The following PIGV variants were observed in gnomAD, a reference collection of about 807,000 sequenced individuals.
PIGV encodes the protein phosphatidylinositol glycan anchor biosynthesis class V.
PIGV carries 27 observed loss-of-function variants against 39.2 expected under a neutral mutation model. The observed-to-expected ratio is 0.69, with a 90% confidence interval of 0.51 to 0.95. The LOEUF is 0.95. Ranked by LOEUF, PIGV falls within the 40% of genes least tolerant of loss-of-function variation. The pLI is 0.00. For synonymous variants in PIGV, 232 were observed against 241.7 expected (o/e 0.96, Z 0.37); for missense variants, 523 against 586.4 (o/e 0.89, Z 1.12).
At position 26,797,918 on chromosome 1, in the gene PIGV, G is replaced by A. The variant is rs1346042290; in HGVS notation, c.*74G>A. 1.7e-6 allele frequency: 2 copies of A among 1,210,446 alleles called. No homozygotes were observed. Among genetic ancestry groups the A allele is most frequent in the Non-Finnish European group, 2.5e-6 (2 of 814,784 alleles). 75.0% of individuals were successfully genotyped at this position (1,210,446 alleles called of 1,614,324 possible). A position where few individuals can be genotyped will look rare whatever the true frequency, so the allele number is the denominator to read the frequency against. On this transcript the variant is annotated 3_prime_UTR_variant, in exon 4 of 4. Transcript: ENST00000674202. ...GAAAGTAAAAATACACATTGGAACTGCCTCTGCTGCCCTGGGATCATTACT... is the reference window on the plus strand; with the variant it reads ...GAAAGTAAAAATACACATTGGAACTACCTCTGCTGCCCTGGGATCATTACT...
chr1:26,795,219 G>T lies in PIGV; in HGVS notation c.1185G>T (p.Leu395=), dbSNP rs770515611. Residue 395 remains leucine (L), a synonymous_variant, in exon 3 of 4, where the codon CTG becomes CTT. Coordinates refer to ENST00000674202, the MANE Select transcript of PIGV (RefSeq NM_017837.4). ...CAGTGCTGCTGCTGTTTGGAGGTCT[G>T]TGCATGCATGTTCAGGTGAGGTGGA... ...HAAVLLLFGG[L]CMHVQVLTRF... is the part of the protein sequence containing the mutation. The T allele has an allele frequency of 1.5e-5, 25 of 1,613,686 alleles. No homozygotes were observed. Among genetic ancestry groups the T allele is most frequent in the Non-Finnish European group, 2.1e-5 (25 of 1,180,052 alleles).
At chr1:26,797,004 A>G (rs912190895) in intron 3 of PIGV, among the ~76,000 whole-genome samples, 5 of 152,238 alleles carry the variant, frequency 3.3e-5, no homozygotes, top group South Asian at 2.1e-4. Flanking sequence ...AGCTGTATGG[A>G]TAAGAGACAC....
At chr1:26,797,439 G>A (rs1196466686) in intron 3 of PIGV, 124 bp from the exon 4 acceptor site, 1 of 806,312 alleles carries the variant, frequency 1.2e-6, no homozygotes, top group Admixed American at 1.7e-5. Flanking sequence ...TTCTTTTCCA[G>A]TGTAATACAT....
In PIGV at chr1:26,798,685, C is replaced by A. The variant is rs1431767784; in HGVS notation, c.*841C>A. Among the ~76,000 whole-genome samples the A allele has an allele frequency of 6.6e-6, 1 of 152,162 alleles. No individual in the cohort carries two copies. Among genetic ancestry groups the A allele is most frequent in the Admixed American group, 6.5e-5 (1 of 15,282 alleles). ...TTGCGCCACTGCGCTCCAGCCTGGG[C>A]AACAGAGTGAGGCTCTGTCTCAAAA... On this transcript the variant is annotated 3_prime_UTR_variant, in exon 4 of 4. Transcript: ENST00000674202.
At chr1:26,796,380 G>A (rs1268406658) in intron 3 of PIGV, among the ~76,000 whole-genome samples, 1 of 152,082 alleles carries the variant, frequency 6.6e-6, no homozygotes, top group Non-Finnish European at 1.5e-5. Flanking sequence ...GTGTGAGCCA[G>A]GATGGTCTGG....
In PIGV at chr1:26,800,103, T is replaced by C. The variant is rs2081433825; in HGVS notation, c.*2259T>C. On this transcript the variant is annotated 3_prime_UTR_variant, in exon 4 of 4. Coordinates refer to ENST00000674202, the MANE Select transcript of PIGV (RefSeq NM_017837.4). The stretch of plus-strand genomic sequence containing the variant: ...TTAACCTTCACACTAGATCTCATCA[T>C]GCCCAGAAACCTTGTAACAGGAGCC... 6.6e-6 allele frequency among the ~76,000 whole-genome samples: 1 copy of C among 152,180 alleles called. No homozygotes were observed. The highest frequency in any genetic ancestry group is 1.5e-5 in the Non-Finnish European group (1 of 68,030).
In PIGV at chr1:26,797,943, T is replaced by C; in HGVS notation, c.*99T>C. On this transcript the variant is annotated 3_prime_UTR_variant, in exon 4 of 4. Coordinates refer to ENST00000674202, the MANE Select transcript of PIGV (RefSeq NM_017837.4). ...GCCTCTGCTGCCCTGGGATCATTACTGTGTCCATTATAATCTTTCTCTTTC... is the reference window on the plus strand; with the variant it reads ...GCCTCTGCTGCCCTGGGATCATTACCGTGTCCATTATAATCTTTCTCTTTC... 9.9e-7 allele frequency: 1 copy of C among 1,008,322 alleles called. No homozygotes were observed. The highest frequency in any genetic ancestry group is 1.6e-6 in the Non-Finnish European group (1 of 636,536). The allele number at this position is 1,008,322 out of a possible 1,614,324, so 62.5% of individuals were successfully genotyped here.
At position 26,798,265 on chromosome 1, in the gene PIGV, T is replaced by A. The variant is rs2081412022; in HGVS notation, c.*421T>A. The A allele has an allele frequency of 6.1e-6, 1 of 163,560 alleles. No homozygotes were observed. The highest frequency in any genetic ancestry group is 2.4e-5 in the African/African-American group (1 of 41,668). The allele number at this position is 163,560 out of a possible 1,614,324, so 10.1% of individuals were successfully genotyped here. ...GATGGTATAGGCCTGAACAGTGTAGTGGCAGTAATAAAGTGGGACCATTTT... is the reference window on the plus strand; with the variant it reads ...GATGGTATAGGCCTGAACAGTGTAGAGGCAGTAATAAAGTGGGACCATTTT... On this transcript the variant is annotated 3_prime_UTR_variant, in exon 4 of 4. Transcript: ENST00000674202.
Position 26,794,559 on chromosome 1 carries a change from C to G in PIGV, c.525C>G (p.Leu175=). The G allele has an allele frequency of 1.2e-6, 2 of 1,614,250 alleles. No homozygotes were observed. Among genetic ancestry groups the G allele is most frequent in the Non-Finnish European group, 1.7e-6 (2 of 1,180,048 alleles). ...AAGYSEALFA[L]LTFSAMGQLE... ...GTTACTCAGAAGCTTTGTTTGCCCT[C>G]CTGACATTCAGTGCCATGGGGCAGC... is the stretch of plus-strand genomic sequence containing the variant. The change falls in exon 3 of 4, where the codon CTC becomes CTG. Residue 175 remains leucine, a synonymous_variant. Coordinates refer to ENST00000674202, the MANE Select transcript of PIGV (RefSeq NM_017837.4).
At position 26,794,855 on chromosome 1, in the gene PIGV, A is replaced by G. The variant is rs2081360198; in HGVS notation, c.821A>G (p.Glu274Gly). The change falls in exon 3 of 4, where the codon GAG becomes GGG. Residue 274 changes from glutamate (E) to glycine (G), a missense_variant. Transcript: ENST00000674202. Reference protein sequence around the residue: ...CLPGSARPIPEPLVQLAVDKG... With the variant: ...CLPGSARPIPGPLVQLAVDKG... ...CCAGGCTCAGCCCGCCCCATTCCTGAGCCTTTGGTACAGTTAGCTGTAGAC... is the reference window on the plus strand; with the variant it reads ...CCAGGCTCAGCCCGCCCCATTCCTGGGCCTTTGGTACAGTTAGCTGTAGAC... 4 of 1,614,028 alleles carry G rather than the reference A, an allele frequency of 2.5e-6. No individual in the cohort carries two copies. The highest frequency in any genetic ancestry group is 3.4e-6 in the Non-Finnish European group (4 of 1,179,974).
intron 2 of PIGV, among the ~76,000 whole-genome samples, chr1:26,792,021 T>TTCC (rs2081315538): frequency 6.6e-6 from 1 of 152,188 alleles, no homozygotes; most frequent in Non-Finnish European, 1.5e-5. Flanking sequence ...AACAGTATAT[T>TTCC]TCCTCTAGGC....
chr1:26,790,732 G>T, intron 1 of PIGV, 27 bp from the exon 2 acceptor site: 1 of 1,087,982 alleles, frequency 9.2e-7, no homozygotes. Context: ...CACTCGATGT[G>T]TGACATTTTC....
In PIGV at chr1:26,790,867, T is replaced by A; in HGVS notation, c.52T>A (p.Cys18Ser). 1 of 1,614,086 alleles carries A rather than the reference T, an allele frequency of 6.2e-7. No individual in the cohort carries two copies. Among genetic ancestry groups the A allele is most frequent in the Non-Finnish European group, 8.5e-7 (1 of 1,179,924 alleles). ...RKEVLRFAVS[C>S]RILTLMLQAL... ...GGAGGTGCTGAGGTTTGCAGTCAGC[T>A]GCCGTATCCTGACTCTGATGCTGCA... Residue 18 changes from cysteine (C) to serine (S), a missense_variant, in exon 2 of 4, where the codon TGC becomes AGC. Coordinates refer to ENST00000674202, the MANE Select transcript of PIGV (RefSeq NM_017837.4).
At chr1:26,795,709 C>CAA (rs1005170504) in intron 3 of PIGV, among the ~76,000 whole-genome samples, 18 of 27,818 alleles carry the variant, frequency 6.5e-4, no homozygotes, top group African/African-American at 1.8e-3. Flanking sequence ...GACTCTATCT[C>CAA]AAAAAAAAAA....
At chr1:26,792,500 TG>T (rs2081325211) in intron 2 of PIGV, among the ~76,000 whole-genome samples, 1 of 151,946 alleles carries the variant, frequency 6.6e-6, no homozygotes, top group South Asian at 2.1e-4. Context: ...GCTAATTTTT[TG>T]TATTTTTAGT....
Position 26,795,100 on chromosome 1 carries a change from C to T in PIGV, c.1066C>T (p.Leu356Phe). 6.2e-7 allele frequency: 1 copy of T among 1,614,168 alleles called. No homozygotes were observed. The highest frequency in any genetic ancestry group is 8.5e-7 in the Non-Finnish European group (1 of 1,180,022). Residue 356 changes from leucine to phenylalanine, a missense_variant, in exon 3 of 4, where the codon CTT (leucine) becomes TTT (phenylalanine). Coordinates refer to ENST00000674202, the MANE Select transcript of PIGV (RefSeq NM_017837.4). The part of the protein sequence containing the change: ...VTTHPWLCLT[L>F]GLQRSKNNKT... ...CACTCACCCTTGGCTCTGCCTTACA[C>T]TTGGGCTGCAAAGGAGCAAGAACAA...
At chr1:26,796,422 C>T (rs1459069727) in intron 3 of PIGV, among the ~76,000 whole-genome samples, 2 of 152,140 alleles carry the variant, frequency 1.3e-5, no homozygotes, top group Non-Finnish European at 2.9e-5. Flanking sequence ...CCCGCCTTGG[C>T]CTCCCAAAGT....
rs575078461 is a variant in PIGV at position 26,798,416 on chromosome 1, T to C, written c.*572T>C. The C allele has an allele frequency of 1.3e-5, 2 of 155,716 alleles. No homozygotes were observed. Among genetic ancestry groups the C allele is most frequent in the South Asian group, 3.9e-4 (2 of 5,132 alleles). 9.6% of individuals were successfully genotyped at this position (155,716 alleles called of 1,614,324 possible). A position where few individuals can be genotyped will look rare whatever the true frequency, so the allele number is the denominator to read the frequency against. ...GTTATACATGCAATGAATTGCCTTT[T>C]TAAAAATAATACAGGCCAGGCACGA... On this transcript the variant is annotated 3_prime_UTR_variant, in exon 4 of 4. Transcript: ENST00000674202.
chr1:26,794,771 T>C lies in PIGV; in HGVS notation c.737T>C (p.Phe246Ser), dbSNP rs2081358887. The change falls in exon 3 of 4, where the codon TTC becomes TCC. Residue 246 changes from phenylalanine (F) to serine (S), a missense_variant. Transcript: ENST00000674202. ...KLMASLFLSV[F>S]TLGLPFALFQ... Reference sequence around the variant, plus strand: ...ATGGCCTCTCTGTTTCTGTCGGTGTTCACACTTGGCCTTCCCTTTGCCCTC... The same window carrying C: ...ATGGCCTCTCTGTTTCTGTCGGTGTCCACACTTGGCCTTCCCTTTGCCCTC... 5.6e-6 allele frequency: 9 copies of C among 1,614,162 alleles called. No homozygotes were observed. Among genetic ancestry groups the C allele is most frequent in the Non-Finnish European group, 7.6e-6 (9 of 1,180,012 alleles).
Sources: gnomAD v4.1 joint callset for allele counts (sites outside exome capture counted in the v4.1 genomes callset) on GRCh38, gnomAD v4.1.1 for gene constraint, MANE v1.5 for transcripts, NCBI Gene and HGNC (gene_info 2026-07-23, HGNC 2026-07-21) for gene names.